LATS1: variants seen among roughly 807,000 people sequenced by gnomAD.
LATS1 encodes the protein serine/threonine-protein kinase LATS1.
Under a neutral mutation model 106.6 loss-of-function variants are expected in LATS1, and 25 were observed. The observed-to-expected ratio is 0.23, with a 90% CI of 0.17 to 0.33. LATS1 has a LOEUF of 0.33. LATS1 is among the 10% of genes least tolerant of loss of function. The pLI, the probability that LATS1 is intolerant of heterozygous loss-of-function variation, is 1.00. For synonymous variants in LATS1, 465 were observed against 455.6 expected (o/e 1.02, Z -0.26); for missense variants, 1,040 against 1,382.6 (o/e 0.75, Z 3.93).
At chr6:149,676,882 G>C (rs991581275) in intron 5 of LATS1, 145 bp from the exon 6 acceptor site, 1 of 671,800 alleles carries the variant, frequency 1.5e-6, no homozygotes, top group Non-Finnish European at 2.4e-6. Context: ...AATCACTGAT[G>C]GTGTTTATTA....
At chr6:149,679,299 C>A (rs1459359477) in intron 5 of LATS1, among the ~76,000 whole-genome samples, 1 of 152,032 alleles carries the variant, frequency 6.6e-6, no homozygotes, top group Non-Finnish European at 1.5e-5. Flanking sequence ...CACCTATAAT[C>A]TCAGCACTTT....
intron 1 of LATS1, among the ~76,000 whole-genome samples, chr6:149,703,372 G>T (rs1783574202): frequency 6.6e-6 from 1 of 152,204 alleles, no homozygotes. Flanking sequence ...CTAGGACTCT[G>T]ATATGGTTTG....
chr6:149,701,908 C>A lies in LATS1; in HGVS notation c.219G>T (p.Thr73=). The A allele has an allele frequency of 1.2e-6, 2 of 1,614,118 alleles. No homozygotes were observed. Among genetic ancestry groups the A allele is most frequent in the Non-Finnish European group, 1.7e-6 (2 of 1,179,972 alleles). Residue 73 remains threonine, a synonymous_variant, in exon 2 of 8, where the codon ACG becomes ACT. Transcript: ENST00000543571. Reference sequence around the variant, plus strand: ...GAATTTCCTGCAAGGCTTTATGATGCGTCCCAAATTTGGGTGGATTTCTGA... The same window carrying A: ...GAATTTCCTGCAAGGCTTTATGATGAGTCCCAAATTTGGGTGGATTTCTGA... ...RQVRNPPKFG[T]HHKALQEIRN...
chr6:149,683,804 G>A lies in LATS1; in HGVS notation c.1285C>T (p.Leu429=). ...GATGACTGAGGCCAATTTGTTTGCA[G>A]TCCAGGTACACTAATGTTATATAGT... ...MELYNISVPG[L]QTNWPQSSSA... is the part of the protein sequence containing the mutation. Residue 429 remains leucine (L), a synonymous_variant, in exon 4 of 8, where the codon CTG becomes TTG. Transcript: ENST00000543571. The A allele has an allele frequency of 6.2e-7, 1 of 1,613,830 alleles. No homozygotes were observed. The highest frequency in any genetic ancestry group is 8.5e-7 in the Non-Finnish European group (1 of 1,180,028).
rs1782195888 is a variant in LATS1, at chr6:149,683,799, T to G, written c.1290A>C (p.Gln430His). The G allele has an allele frequency of 6.2e-7, 1 of 1,613,900 alleles. No individual in the cohort carries two copies. The highest frequency in any genetic ancestry group is 8.5e-7 in the Non-Finnish European group (1 of 1,180,038). ...CAGAAGATGACTGAGGCCAATTTGTTTGCAGTCCAGGTACACTAATGTTAT... is the reference window on the plus strand; with the variant it reads ...CAGAAGATGACTGAGGCCAATTTGTGTGCAGTCCAGGTACACTAATGTTAT... The part of the protein sequence containing the change: ...ELYNISVPGL[Q>H]TNWPQSSSAP... Residue 430 changes from glutamine (Q) to histidine (H), a missense_variant, in exon 4 of 8, where the codon CAA becomes CAC. Around this residue, in one of 7 missense-constraint regions of LATS1, gnomAD observed 624 missense variants for 714.8 expected, o/e 0.87. Coordinates refer to ENST00000543571, the MANE Select transcript of LATS1 (RefSeq NM_004690.4).
chr6:149,701,794 A>G lies in LATS1; in HGVS notation c.333T>C (p.Ala111=), dbSNP rs757150615. ...ACATTCTTACCTCATCAAATCCAGC[A>G]GCTTGCAAGTCTTGAAGCATTTGTG... The part of the protein sequence containing the change: ...VNPQMLQDLQ[A]AGFDEDMVIQ... The change falls in exon 2 of 8, where the codon GCT becomes GCC. Residue 111 remains alanine, a synonymous_variant. Transcript: ENST00000543571. 2.5e-6 allele frequency: 4 copies of G among 1,610,948 alleles called. No homozygotes were observed. Among genetic ancestry groups the G allele is most frequent in the Non-Finnish European group, 3.4e-6 (4 of 1,177,862 alleles).
chr6:149,704,127 C>T (rs1783616984), intron 1 of LATS1, among the ~76,000 whole-genome samples: 1 of 152,158 alleles, frequency 6.6e-6, no homozygotes, highest in Non-Finnish European at 1.5e-5. Context: ...CCTCAGCCTC[C>T]CGAATAGCTG....
At chr6:149,708,631 A>ACTTT (rs2115000729) in intron 1 of LATS1, among the ~76,000 whole-genome samples, 1 of 152,256 alleles carries the variant, frequency 6.6e-6, no homozygotes, top group East Asian at 1.9e-4. Context: ...GGACTGAGGC[A>ACTTT]GTTAAAAGTC....
chr6:149,696,614 G>T (rs1028953346), intron 2 of LATS1, among the ~76,000 whole-genome samples: 2 of 147,504 alleles, frequency 1.4e-5, no homozygotes, highest in Admixed American at 6.8e-5. Context: ...GAGTATCTTG[G>T]TATTTTATTA....
chr6:149,690,526 T>G (rs950241788), intron 3 of LATS1, among the ~76,000 whole-genome samples: 1 of 151,898 alleles, frequency 6.6e-6, no homozygotes, highest in African/African-American at 2.4e-5. Context: ...ACTTATATTT[T>G]TATGTCATTT....
In LATS1 at chr6:149,718,057, C is replaced by T; in HGVS notation, c.-349G>A. ...AACACCAGGCCACCGCCGCCGCCGC[C>T]GCCATTTTGCCTTCCACTCAGTGTC... is the stretch of plus-strand genomic sequence containing the variant. On this transcript the variant is annotated 5_prime_UTR_variant, in exon 1 of 8. Transcript: ENST00000543571. 1 of 325,646 alleles carries T rather than the reference C, an allele frequency of 3.1e-6. No homozygotes were observed. Among genetic ancestry groups the T allele is most frequent in the Non-Finnish European group, 6.0e-6 (1 of 167,984 alleles). The allele number at this position is 325,646 out of a possible 1,614,324, so 20.2% of individuals were successfully genotyped here.
Position 149,661,115 on chromosome 6 carries a change from T to TGG in LATS1, c.*612_*613dup, listed in dbSNP as rs61694477. On this transcript the variant is annotated 3_prime_UTR_variant, in exon 8 of 8. Coordinates refer to ENST00000543571, the MANE Select transcript of LATS1 (RefSeq NM_004690.4). ...ATTAAATATTCCATGGGGCGGGGGG[T>TGG]GGGGGGGAAGATAAATGCATTATTT... The TGG allele has an allele frequency of 1.6e-3, 194 of 117,808 alleles. No individual in the cohort carries two copies. The highest frequency in any genetic ancestry group is 6.1e-3 in the African/African-American group (156 of 25,524). The allele number at this position is 117,808 out of a possible 1,614,324, so 7.3% of individuals were successfully genotyped here. A position where few individuals can be genotyped will look rare whatever the true frequency, so the allele number is the denominator to read the frequency against.
intron 3 of LATS1, among the ~76,000 whole-genome samples, chr6:149,689,864 AG>A (rs2114868244): frequency 6.6e-6 from 1 of 152,194 alleles, no homozygotes; most frequent in East Asian, 1.9e-4. Flanking sequence ...TATTCCTCCC[AG>A]TTTCTCAGGA....
intron 2 of LATS1, among the ~76,000 whole-genome samples, chr6:149,701,291 C>A (rs115222470): frequency 0.014 from 2,115 of 152,186 alleles, 49 homozygotes; most frequent in African/African-American, 0.049. Flanking sequence ...TGGCAGTTAG[C>A]CTGAAGTGAA....
intron 7 of LATS1, among the ~76,000 whole-genome samples, chr6:149,664,770 G>T (rs1438041868): frequency 6.6e-6 from 1 of 152,032 alleles, no homozygotes; most frequent in Non-Finnish European, 1.5e-5. Flanking sequence ...GTCCACGCTG[G>T]TCTTGAACTC....
In LATS1 at chr6:149,706,393, C is replaced by T. The variant is rs571998903; in HGVS notation, c.-140-4127G>A. Among the ~76,000 whole-genome samples the T allele has an allele frequency of 2.0e-5, 3 of 151,392 alleles. No individual in the cohort carries two copies. The East Asian group carries it at 5.9e-4, about 30-fold the overall frequency. ...TGTGGCAGTGTGTGTGACTGTGGTA[C>T]CAGCTGCTCAGGTGACTGAGGTGGG... On this transcript the variant is annotated intron_variant, in intron 1 of 7. Transcript: ENST00000543571.
At chr6:149,707,578 G>C (rs574168316) in intron 1 of LATS1, among the ~76,000 whole-genome samples, 2 of 152,094 alleles carry the variant, frequency 1.3e-5, no homozygotes, top group Admixed American at 1.3e-4. Context: ...AGTCCTATAG[G>C]CTGATGTAAC....
intron 1 of LATS1, among the ~76,000 whole-genome samples, chr6:149,704,513 G>T (rs1427464298): frequency 6.7e-6 from 1 of 149,972 alleles, no homozygotes; most frequent in African/African-American, 2.4e-5. Context: ...TTGAGACAGG[G>T]TCTCATTCTG....
At chr6:149,711,888 GC>G (rs1305983557) in intron 1 of LATS1, among the ~76,000 whole-genome samples, 6 of 152,122 alleles carry the variant, frequency 3.9e-5, no homozygotes, top group Non-Finnish European at 8.8e-5. Context: ...TAGGAAGAGC[GC>G]TTACTGTGGC....
Sources: gnomAD v4.1 joint callset for allele counts (sites outside exome capture counted in the v4.1 genomes callset) on GRCh38, gnomAD v4.1.1 for gene constraint, gnomAD v4.1.1 regional missense constraint, MANE v1.5 for transcripts, NCBI Gene and HGNC (gene_info 2026-07-23, HGNC 2026-07-21) for gene names.